Variants in TRHR observed in about 807,000 individuals in gnomAD.
The protein encoded by TRHR is thyrotropin-releasing hormone receptor.
A neutral mutation model predicts 28.0 loss-of-function variants in TRHR; 14 were observed. The observed-to-expected ratio is 0.50, with a 90% CI of 0.33 to 0.78. The LOEUF (loss-of-function observed/expected upper bound fraction) is 0.78, where lower values mean the gene tolerates loss of function less well. TRHR is among the 30% of genes least tolerant of loss of function. The pLI, the probability that TRHR is intolerant of heterozygous loss-of-function variation, is 0.02. For synonymous variants in TRHR, 176 were observed against 171.9 expected (o/e 1.02, Z -0.18); for missense variants, 438 against 469.5 (o/e 0.93, Z 0.62).
chr8:109,098,250 C>T (rs900760928), intron 2 of TRHR, among the ~76,000 whole-genome samples: 5 of 151,948 alleles, frequency 3.3e-5, no homozygotes, highest in Non-Finnish European at 7.4e-5. Flanking sequence ...CCATGTCAGT[C>T]TCCTGAATAG....
rs956030926 is a variant in TRHR, at chr8:109,119,585, T to C, written c.*130T>C. On this transcript the variant is annotated 3_prime_UTR_variant, in exon 3 of 3. Coordinates refer to ENST00000518632, the MANE Select transcript of TRHR (RefSeq NM_003301.7). Reference sequence around the variant, plus strand: ...CAGTCTTTGTCAATGCTCTAACAAATTCTGGCCCTAGATACTTTAACCCAT... The same window carrying C: ...CAGTCTTTGTCAATGCTCTAACAAACTCTGGCCCTAGATACTTTAACCCAT... 10 of 1,125,750 alleles carry C rather than the reference T, an allele frequency of 8.9e-6. No homozygotes were observed. In the African/African-American group the frequency reaches 1.5e-4, roughly 17 times the overall value. The allele number at this position is 1,125,750 out of a possible 1,614,324, so 69.7% of individuals were successfully genotyped here.
At chr8:109,095,853 A>G (rs1811580804) in intron 2 of TRHR, among the ~76,000 whole-genome samples, 1 of 150,184 alleles carries the variant, frequency 6.7e-6, no homozygotes, top group Admixed American at 6.6e-5. Flanking sequence ...TAGCTAAGCA[A>G]TAGCCACATC....
intron 2 of TRHR, among the ~76,000 whole-genome samples, chr8:109,089,292 A>T (rs1393009986): frequency 6.6e-6 from 1 of 150,942 alleles, no homozygotes; most frequent in African/African-American, 2.4e-5. Context: ...CAACATGCTG[A>T]TACTTTTAAA....
Position 109,121,483 on chromosome 8 carries a change from T to G in TRHR, c.*2028T>G, listed in dbSNP as rs1812006144. Among the ~76,000 whole-genome samples the G allele has an allele frequency of 6.6e-6, 1 of 151,732 alleles. No homozygotes were observed. The highest frequency in any genetic ancestry group is 2.4e-5 in the African/African-American group (1 of 41,382). ...ATCTTCATCACAATTTCACTACAGC[T>G]GTAATTTCTCTGATGATTAGACCAG... On this transcript the variant is annotated 3_prime_UTR_variant, in exon 3 of 3. Transcript: ENST00000518632.
Position 109,087,761 on chromosome 8 carries a change from AACAG to A in TRHR, c.254_257del (p.Asp85ValfsTer31). On this transcript the variant is annotated frameshift_variant, in exon 2 of 3. Transcript: ENST00000518632. LOFTEE classifies it high-confidence loss of function. Reference sequence around the variant, plus strand: ...TGGTGGCCGCAGGCCTCCCCAACATAACAGACAGTATCTACGGTTCCTGGGTCTA... The same window carrying A: ...TGGTGGCCGCAGGCCTCCCCAACATAACAGTATCTACGGTTCCTGGGTCTA... The A allele has an allele frequency of 3.1e-6, 5 of 1,614,144 alleles. No homozygotes were observed. The highest frequency in any genetic ancestry group is 3.4e-6 in the Non-Finnish European group (4 of 1,180,028).
At chr8:109,091,568 TA>T (rs1455096678) in intron 2 of TRHR, among the ~76,000 whole-genome samples, 1 of 152,214 alleles carries the variant, frequency 6.6e-6, no homozygotes, top group Non-Finnish European at 1.5e-5. Flanking sequence ...ATCAAGTTCT[TA>T]AATTCAAATG....
intron 2 of TRHR, among the ~76,000 whole-genome samples, chr8:109,110,681 T>C (rs1009870136): frequency 3.3e-5 from 5 of 151,948 alleles, no homozygotes; most frequent in African/African-American, 1.2e-4. Flanking sequence ...CAACACAGAG[T>C]ATGTCAGTCC....
chr8:109,089,555 A>G (rs568330677), intron 2 of TRHR, among the ~76,000 whole-genome samples: 43 of 152,272 alleles, frequency 2.8e-4, no homozygotes, highest in South Asian at 2.1e-3. Context: ...TGGTGCTGTA[A>G]TACTTGGTTT....
In TRHR at chr8:109,119,976, T is replaced by C. The variant is rs1240418055; in HGVS notation, c.*521T>C. Among the ~76,000 whole-genome samples the C allele has an allele frequency of 1.3e-5, 2 of 151,888 alleles. No individual in the cohort carries two copies. Among genetic ancestry groups the C allele is most frequent in the Non-Finnish European group, 2.9e-5 (2 of 67,876 alleles). Reference sequence around the variant, plus strand: ...AAACATTTTATTTATTGAGTAAAAATAAGATTTTAGACATACATGTTAACT... The same window carrying C: ...AAACATTTTATTTATTGAGTAAAAACAAGATTTTAGACATACATGTTAACT... On this transcript the variant is annotated 3_prime_UTR_variant, in exon 3 of 3. Coordinates refer to ENST00000518632, the MANE Select transcript of TRHR (RefSeq NM_003301.7).
chr8:109,109,289 GA>G (rs1241376105), intron 2 of TRHR, among the ~76,000 whole-genome samples: 3 of 151,968 alleles, frequency 2.0e-5, no homozygotes, highest in African/African-American at 7.3e-5. Flanking sequence ...TAATAGTAAA[GA>G]GAAAAAGATG....
rs147809627 is a variant in TRHR, at chr8:109,104,392, C to T, written c.790-14656C>T. On this transcript the variant is annotated intron_variant, in intron 2 of 2. Coordinates refer to ENST00000518632, the MANE Select transcript of TRHR (RefSeq NM_003301.7). ...TCTGAAAGAGAAATAGAAATGTCTACGTTCAGAAGTAAAACATCTTGGTAA... is the reference window on the plus strand; with the variant it reads ...TCTGAAAGAGAAATAGAAATGTCTATGTTCAGAAGTAAAACATCTTGGTAA... Among the ~76,000 whole-genome samples the T allele has an allele frequency of 1.9e-3, 289 of 152,130 alleles. 4 individuals are homozygous for T. Among genetic ancestry groups the T allele is most frequent in the South Asian group, 0.014 (67 of 4,820 alleles).
Position 109,121,001 on chromosome 8 carries a change from G to A in TRHR, c.*1546G>A, listed in dbSNP as rs1812000037. On this transcript the variant is annotated 3_prime_UTR_variant, in exon 3 of 3. Transcript: ENST00000518632. The stretch of plus-strand genomic sequence containing the variant: ...TATGCCTCCCCATCTTCTTAATGAA[G>A]AATATACCATTCTTCTGAAACTTGT... 2.0e-5 allele frequency among the ~76,000 whole-genome samples: 3 copies of A among 150,924 alleles called. No individual in the cohort carries two copies. The highest frequency in any genetic ancestry group is 2.0e-4 in the Admixed American group (3 of 15,096).
intron 2 of TRHR, among the ~76,000 whole-genome samples, chr8:109,115,354 T>C (rs1314881970): frequency 2.6e-5 from 4 of 152,286 alleles, no homozygotes; most frequent in Non-Finnish European, 4.4e-5. Flanking sequence ...AAGAAAGTCA[T>C]TGGTAGCTTG....
intron 2 of TRHR, among the ~76,000 whole-genome samples, chr8:109,112,769 A>G (rs1380359997): frequency 6.6e-6 from 1 of 152,182 alleles, no homozygotes; most frequent in Non-Finnish European, 1.5e-5. Flanking sequence ...AGAAAATGAG[A>G]GCTAGACTCA....
At chr8:109,107,214 G>T (rs559303114) in intron 2 of TRHR, among the ~76,000 whole-genome samples, 4 of 152,052 alleles carry the variant, frequency 2.6e-5, no homozygotes, top group Non-Finnish European at 5.9e-5. Context: ...ATCATCAAAG[G>T]CTTCATCTGT....
chr8:109,101,248 G>A (rs1338341715), intron 2 of TRHR, among the ~76,000 whole-genome samples: 5 of 152,136 alleles, frequency 3.3e-5, no homozygotes, highest in African/African-American at 1.2e-4. Flanking sequence ...TTGAGGATAG[G>A]GAAGAAAATG....
intron 2 of TRHR, among the ~76,000 whole-genome samples, chr8:109,100,462 TAATTC>T (rs1811661482): frequency 6.6e-6 from 1 of 152,124 alleles, no homozygotes; most frequent in South Asian, 2.1e-4. Flanking sequence ...TCTAAAATAG[TAATTC>T]TATTATTACA....
At chr8:109,097,081 T>A (rs534099647) in intron 2 of TRHR, among the ~76,000 whole-genome samples, 3 of 152,310 alleles carry the variant, frequency 2.0e-5, no homozygotes, top group Non-Finnish European at 4.4e-5. Context: ...TAGGACAGGC[T>A]GATTTGGAAA....
chr8:109,107,125 A>G (rs181415951), intron 2 of TRHR, among the ~76,000 whole-genome samples: 3 of 152,282 alleles, frequency 2.0e-5, no homozygotes, highest in South Asian at 2.1e-4. Flanking sequence ...CAGAAATACG[A>G]TAAAAGTTAA....
Sources: allele counts gnomAD v4.1 joint callset (sites outside exome capture counted in the v4.1 genomes callset), GRCh38; gene constraint gnomAD v4.1.1; transcripts MANE v1.5; gene names NCBI Gene and HGNC (gene_info 2026-07-23, HGNC 2026-07-21).